CAMKMT: variants seen among roughly 807,000 people sequenced by gnomAD.
CAMKMT encodes the protein CaM KMT.
Under a neutral mutation model 48.0 loss-of-function variants are expected in CAMKMT, and 53 were observed. That is an observed-to-expected ratio of 1.10 (90% confidence interval 0.89 to 1.39). CAMKMT has a LOEUF of 1.39. CAMKMT is among the 40% of genes most tolerant of loss of function. The pLI, the probability that CAMKMT is intolerant of heterozygous loss-of-function variation, is 0.00. For synonymous variants in CAMKMT, 165 were observed against 152.3 expected (o/e 1.08, Z -0.61); for missense variants, 428 against 402.7 (o/e 1.06, Z -0.54).
At chr2:44,579,867 A>G (rs546896673) in intron 3 of CAMKMT, among the ~76,000 whole-genome samples, 2 of 150,110 alleles carry the variant, frequency 1.3e-5, no homozygotes, top group South Asian at 2.1e-4. Context: ...ATACCCTTGT[A>G]TAAATGATTA....
chr2:44,769,156 G>C (rs1458954377), intron 10 of CAMKMT, among the ~76,000 whole-genome samples: 2 of 151,798 alleles, frequency 1.3e-5, no homozygotes, highest in African/African-American at 4.8e-5. Context: ...TACAGATTTA[G>C]GCAACCACCC....
At chr2:44,439,487 G>T (rs1067353) in intron 3 of CAMKMT, among the ~76,000 whole-genome samples, 1 of 151,682 alleles carries the variant, frequency 6.6e-6, no homozygotes, top group South Asian at 2.1e-4. Context: ...AAACTTTTTG[G>T]TAGAGTTAGT....
At chr2:44,546,554 G>A (rs1307949482) in intron 3 of CAMKMT, among the ~76,000 whole-genome samples, 1 of 152,158 alleles carries the variant, frequency 6.6e-6, no homozygotes, top group African/African-American at 2.4e-5. Flanking sequence ...CTGCAGCACT[G>A]CACTCTTGTG....
intron 2 of CAMKMT, among the ~76,000 whole-genome samples, chr2:44,379,154 T>C (rs1679990806): frequency 6.6e-6 from 1 of 152,224 alleles, no homozygotes; most frequent in South Asian, 2.1e-4. Context: ...TTTATGTAAA[T>C]GGAATCCTAC....
intron 7 of CAMKMT, among the ~76,000 whole-genome samples, chr2:44,731,545 CAG>C: frequency 1.3e-5 from 2 of 152,278 alleles, no homozygotes; most frequent in East Asian, 3.9e-4. Flanking sequence ...AAACTTGAAA[CAG>C]AGACTCTCTG....
At chr2:44,571,068 T>G (rs900754725) in intron 3 of CAMKMT, among the ~76,000 whole-genome samples, 4 of 152,212 alleles carry the variant, frequency 2.6e-5, no homozygotes, top group African/African-American at 9.6e-5. Flanking sequence ...ATGGCAAGGT[T>G]AAAAGAAATT....
intron 3 of CAMKMT, among the ~76,000 whole-genome samples, chr2:44,622,027 A>G (rs895203849): frequency 6.6e-6 from 1 of 152,202 alleles, no homozygotes; most frequent in South Asian, 2.1e-4. Flanking sequence ...AGAATCAAGT[A>G]TAACTTCTAA....
chr2:44,558,955 CTGTG>C (rs4039615), intron 3 of CAMKMT, among the ~76,000 whole-genome samples: 1 of 151,060 alleles, frequency 6.6e-6, no homozygotes, highest in East Asian at 2.0e-4. Context: ...AAATGTGTCT[CTGTG>C]TGTGTGTGTG....
At chr2:44,529,318 A>G (rs1017699983) in intron 3 of CAMKMT, among the ~76,000 whole-genome samples, 2 of 152,210 alleles carry the variant, frequency 1.3e-5, no homozygotes, top group Non-Finnish European at 2.9e-5. Context: ...TAAAAATTGT[A>G]TCACTTAAAG....
At chr2:44,688,569 G>A (rs990584434) in intron 3 of CAMKMT, among the ~76,000 whole-genome samples, 3 of 151,978 alleles carry the variant, frequency 2.0e-5, no homozygotes, top group Non-Finnish European at 4.4e-5. Flanking sequence ...ATGGCAAAGT[G>A]AGGTTTGTTT....
intron 3 of CAMKMT, among the ~76,000 whole-genome samples, chr2:44,554,540 A>G (rs139710050): frequency 6.6e-6 from 1 of 152,268 alleles, no homozygotes; most frequent in African/African-American, 2.4e-5. Flanking sequence ...GTTCAAGACC[A>G]GCCTGGGCAG....
intron 3 of CAMKMT, among the ~76,000 whole-genome samples, chr2:44,513,133 A>G (rs1035078378): frequency 6.6e-6 from 1 of 152,112 alleles, no homozygotes; most frequent in African/African-American, 2.4e-5. Context: ...ACAATTTCCA[A>G]GCCATTTAGA....
chr2:44,450,974 C>T (rs1333467359), intron 3 of CAMKMT, among the ~76,000 whole-genome samples: 1 of 152,032 alleles, frequency 6.6e-6, no homozygotes, highest in Non-Finnish European at 1.5e-5. Flanking sequence ...GCAGGAAGTG[C>T]CCAATCAAAG....
intron 3 of CAMKMT, among the ~76,000 whole-genome samples, chr2:44,422,039 C>G (rs1487857132): frequency 6.6e-6 from 1 of 151,990 alleles, no homozygotes; most frequent in African/African-American, 2.4e-5. Context: ...GATATATGTC[C>G]CTGTCAAATC....
At chr2:44,410,578 C>G (rs1683135182) in intron 3 of CAMKMT, among the ~76,000 whole-genome samples, 1 of 151,848 alleles carries the variant, frequency 6.6e-6, no homozygotes, top group Non-Finnish European at 1.5e-5. Context: ...CCTGAAATTC[C>G]AAATCTATTG....
At chr2:44,398,223 A>G (rs1682035047) in intron 3 of CAMKMT, among the ~76,000 whole-genome samples, 1 of 152,200 alleles carries the variant, frequency 6.6e-6, no homozygotes, top group Non-Finnish European at 1.5e-5. Flanking sequence ...TGGCACAGGA[A>G]TTTAACTATT....
chr2:44,484,630 A>C (rs1669125967), intron 3 of CAMKMT, among the ~76,000 whole-genome samples: 1 of 151,868 alleles, frequency 6.6e-6, no homozygotes, highest in Admixed American at 6.6e-5. Flanking sequence ...TAAAGCTTCT[A>C]ACATTAATGC....
At chr2:44,495,832 G>C (rs924126841) in intron 3 of CAMKMT, among the ~76,000 whole-genome samples, 3 of 152,174 alleles carry the variant, frequency 2.0e-5, no homozygotes, top group African/African-American at 7.2e-5. Flanking sequence ...AACAGGACCA[G>C]CTAAAAGTTT....
At chr2:44,705,645 T>A in intron 4 of CAMKMT, 2 of 470,584 alleles carry the variant, frequency 4.3e-6, no homozygotes, top group South Asian at 9.0e-5. Context: ...TTTGCTGGCT[T>A]AACCATATTA....
Sources: allele counts gnomAD v4.1 joint callset (sites outside exome capture counted in the v4.1 genomes callset), GRCh38; gene constraint gnomAD v4.1.1; transcripts MANE v1.5; gene names NCBI Gene and HGNC (gene_info 2026-07-23, HGNC 2026-07-21).